Variants in SNTA1 observed in about 807,000 individuals in gnomAD.
SNTA1 encodes alpha-1-syntrophin.
Under a neutral mutation model 47.1 loss-of-function variants are expected in SNTA1, and 31 were observed. The observed-to-expected ratio is 0.66, with a 90% CI of 0.49 to 0.89. The LOEUF (loss-of-function observed/expected upper bound fraction) is 0.89. SNTA1 is among the 40% of genes least tolerant of loss of function. The pLI is 0.00. For synonymous variants in SNTA1, 300 were observed against 313.6 expected, an observed-to-expected ratio of 0.96 and a Z score of 0.46; for missense variants, 575 against 693.0, an observed-to-expected ratio of 0.83 and a Z score of 1.91.
Position 33,443,544 on chromosome 20 carries a change from T to G in SNTA1, c.77A>C (p.Glu26Ala), listed in dbSNP as rs1234604785. The G allele has an allele frequency of 1.5e-5, 20 of 1,341,888 alleles. No individual in the cohort carries two copies. The highest frequency in any genetic ancestry group is 1.9e-5 in the Non-Finnish European group (20 of 1,039,310). 83.1% of individuals were successfully genotyped at this position (1,341,888 alleles called of 1,614,324 possible). ...RAGAGSGAGG[E>A]RWQRVLLSLA... ...ACTCAGCAGCACCCGCTGCCATCGC[T>G]CGCCGCCGGCCCCCGAGCCCGCCCC... Residue 26 changes from glutamate to alanine, a missense_variant, in exon 1 of 8, where the codon GAG becomes GCG. By Grantham distance (107) the Glu-to-Ala change is moderately radical. Coordinates refer to ENST00000217381, the MANE Select transcript of SNTA1 (RefSeq NM_003098.3).
chr20:33,414,647 T>C (rs1287927466), intron 3 of SNTA1, among the ~76,000 whole-genome samples: 2 of 152,192 alleles, frequency 1.3e-5, no homozygotes, highest in Non-Finnish European at 2.9e-5. Flanking sequence ...TTAGGGTTGG[T>C]TTGTGATACA....
At chr20:33,429,495 T>C (rs1990243418) in intron 2 of SNTA1, among the ~76,000 whole-genome samples, 1 of 151,584 alleles carries the variant, frequency 6.6e-6, no homozygotes, top group Admixed American at 6.6e-5. Flanking sequence ...CCAGATGTGT[T>C]GGTGCGCGCC....
chr20:33,416,942 A>C (rs1251530547), intron 3 of SNTA1, among the ~76,000 whole-genome samples: 2 of 147,428 alleles, frequency 1.4e-5, no homozygotes, highest in African/African-American at 2.5e-5. Flanking sequence ...CTCTGTCAAA[A>C]AAAAAAAAAA....
chr20:33,410,078 C>T, intron 6 of SNTA1, 57 bp downstream of exon 6: 2 of 1,576,218 alleles, frequency 1.3e-6, no homozygotes, highest in African/African-American at 1.3e-5. Context: ...AGCTTGAATG[C>T]CCCTGGGGAT....
intron 2 of SNTA1, among the ~76,000 whole-genome samples, chr20:33,425,500 A>T (rs930760874): frequency 1.3e-4 from 20 of 151,922 alleles, no homozygotes; most frequent in African/African-American, 4.6e-4. Context: ...ATCTCTACTA[A>T]ATATACAAAA....
chr20:33,438,989 C>A lies in SNTA1; in HGVS notation c.348G>T (p.Lys116Asn). Residue 116 changes from lysine (K) to asparagine (N), a missense_variant, in exon 2 of 8, where the codon AAG (lysine) becomes AAT (asparagine). Physicochemically the swap from Lys to Asn is moderately conservative, Grantham distance 94. Coordinates refer to ENST00000217381, the MANE Select transcript of SNTA1 (RefSeq NM_003098.3). ...RENKMPILIS[K>N]IFKGLAADQT... ...GGTCAGCTGCCAATCCCTTGAAGAT[C>A]TTGGAAATGAGAATAGGCATCTTGT... 6.2e-7 allele frequency: 1 copy of A among 1,614,212 alleles called. No individual in the cohort carries two copies. Among genetic ancestry groups the A allele is most frequent in the Non-Finnish European group, 8.5e-7 (1 of 1,180,044 alleles).
intron 2 of SNTA1, among the ~76,000 whole-genome samples, chr20:33,420,804 A>G (rs555116902): frequency 9.1e-4 from 139 of 151,996 alleles, no homozygotes; most frequent in African/African-American, 3.3e-3. Context: ...ACATGGTGAA[A>G]CCCTGTCTTT....
At chr20:33,438,432 GC>G (rs2034327792) in intron 2 of SNTA1, among the ~76,000 whole-genome samples, 4 of 152,086 alleles carry the variant, frequency 2.6e-5, no homozygotes, top group Admixed American at 2.6e-4. Context: ...AATCTGACCT[GC>G]CCCTTCCCCA....
At chr20:33,423,461 G>A (rs373421911) in intron 2 of SNTA1, among the ~76,000 whole-genome samples, 1 of 152,192 alleles carries the variant, frequency 6.6e-6, no homozygotes, top group Admixed American at 6.6e-5. Flanking sequence ...GATAGGCCCG[G>A]CCAGTGCCCC....
At chr20:33,428,274 T>A (rs1260433447) in intron 2 of SNTA1, among the ~76,000 whole-genome samples, 1 of 151,964 alleles carries the variant, frequency 6.6e-6, no homozygotes, top group Non-Finnish European at 1.5e-5. Flanking sequence ...CTGGGTGTGG[T>A]GGTGTGCACC....
At chr20:33,409,862 C>T (rs1023528127) in intron 6 of SNTA1, among the ~76,000 whole-genome samples, 1 of 152,106 alleles carries the variant, frequency 6.6e-6, no homozygotes, top group Non-Finnish European at 1.5e-5. Flanking sequence ...AACTGCTGAC[C>T]TCAAGTGATC....
In SNTA1 at chr20:33,439,032, C is replaced by T. The variant is rs139532210; in HGVS notation, c.311-6G>A. On this transcript the variant is annotated splice_region_variant and splice_polypyrimidine_tract_variant and intron_variant, in intron 1 of 7. Transcript: ENST00000217381. ...CATCTTGTTCTCCCGGCCGCCTGCA[C>T]AGGTACAGAAGGAGGACAAGACTTA... The T allele has an allele frequency of 8.7e-6, 14 of 1,613,684 alleles. 1 individual carries two copies. The highest frequency in any genetic ancestry group is 1.6e-4 in the Middle Eastern group (1 of 6,080).
At chr20:33,412,234 GC>G (rs1989755142) in intron 5 of SNTA1, 61 bp downstream of exon 5, 1 of 1,558,256 alleles carries the variant, frequency 6.4e-7, no homozygotes, top group Non-Finnish European at 8.7e-7. Context: ...AGCTTCTGGG[GC>G]CCTGCTGGAG....
intron 3 of SNTA1, among the ~76,000 whole-genome samples, chr20:33,415,883 C>T (rs1248209738): frequency 2.0e-5 from 3 of 151,926 alleles, no homozygotes; most frequent in East Asian, 1.9e-4. Context: ...CCAAGGTGGG[C>T]GGATCACCTG....
At chr20:33,431,148 C>A (rs1365039694) in intron 2 of SNTA1, among the ~76,000 whole-genome samples, 3 of 152,062 alleles carry the variant, frequency 2.0e-5, no homozygotes, top group African/African-American at 7.2e-5. Context: ...GTAGTCCCAG[C>A]TACTGGAGAG....
At chr20:33,428,094 G>A (rs1990209584) in intron 2 of SNTA1, among the ~76,000 whole-genome samples, 2 of 151,880 alleles carry the variant, frequency 1.3e-5, no homozygotes, top group African/African-American at 4.8e-5. Flanking sequence ...CCCAATAATG[G>A]GACACCACAT....
Position 33,410,223 on chromosome 20 carries a change from C to T in SNTA1, c.1149G>A (p.Val383=). 1 of 1,613,946 alleles carries T rather than the reference C, an allele frequency of 6.2e-7. No homozygotes were observed. Among genetic ancestry groups the T allele is most frequent in the South Asian group, 1.1e-5 (1 of 91,064 alleles). The change falls in exon 6 of 8, where the codon GTG becomes GTA. Residue 383 remains valine (V), a synonymous_variant. Coordinates refer to ENST00000217381, the MANE Select transcript of SNTA1 (RefSeq NM_003098.3). ...RHGVDTHLFS[V]ESPQELAAWT... ...AGGCAGCCAGCTCCTGCGGTGACTC[C>T]ACGCTGAACAGGTGAGTGTCCACAC... is the stretch of plus-strand genomic sequence containing the variant.
At chr20:33,429,632 A>G (rs1199602448) in intron 2 of SNTA1, among the ~76,000 whole-genome samples, 1 of 152,126 alleles carries the variant, frequency 6.6e-6, no homozygotes, top group African/African-American at 2.4e-5. Flanking sequence ...CTCCATCTCA[A>G]AAAAACAAAA....
In SNTA1 at chr20:33,439,032, C is replaced by A; in HGVS notation, c.311-6G>T. On this transcript the variant is annotated splice_region_variant and splice_polypyrimidine_tract_variant and intron_variant, in intron 1 of 7. Coordinates refer to ENST00000217381, the MANE Select transcript of SNTA1 (RefSeq NM_003098.3). Reference sequence around the variant, plus strand: ...CATCTTGTTCTCCCGGCCGCCTGCACAGGTACAGAAGGAGGACAAGACTTA... The same window carrying A: ...CATCTTGTTCTCCCGGCCGCCTGCAAAGGTACAGAAGGAGGACAAGACTTA... 6.2e-7 allele frequency: 1 copy of A among 1,613,802 alleles called. No homozygotes were observed. Among genetic ancestry groups the A allele is most frequent in the Non-Finnish European group, 8.5e-7 (1 of 1,179,700 alleles).
Sources: gnomAD v4.1 joint callset for allele counts (sites outside exome capture counted in the v4.1 genomes callset) on GRCh38, gnomAD v4.1.1 for gene constraint, MANE v1.5 for transcripts, NCBI Gene and HGNC (gene_info 2026-07-23, HGNC 2026-07-21) for gene names.